BNC2: variants seen among roughly 807,000 people sequenced by gnomAD.
BNC2 encodes zinc finger protein basonuclin-2.
Under a neutral mutation model 76.3 loss-of-function variants are expected in BNC2, and 20 were observed. The observed-to-expected ratio is 0.26, with a 90% CI of 0.18 to 0.38. BNC2 has a LOEUF of 0.38. BNC2 is among the 10% of genes least tolerant of loss of function. The probability of loss-of-function intolerance (pLI) is 1.00; values close to 1 mark genes in which losing one functional copy is unlikely to be tolerated. For missense variants in BNC2, 1,382 were observed against 1,399.8 expected, an observed-to-expected ratio of 0.99 and a Z score of 0.20; for synonymous variants, 582 against 514.8, an observed-to-expected ratio of 1.13 and a Z score of -1.77.
Position 16,639,274 on chromosome 9 carries a change from G to T in BNC2, c.331-56189C>A, listed in dbSNP as rs79548475. Among the ~76,000 whole-genome samples, 19 of 152,080 alleles carry T rather than the reference G, an allele frequency of 1.2e-4. No homozygotes were observed. In the East Asian group the frequency reaches 2.7e-3, roughly 22 times the overall value. On this transcript the variant is annotated intron_variant, in intron 3 of 6. Coordinates refer to ENST00000380672, the MANE Select transcript of BNC2 (RefSeq NM_017637.6). ...TTATATTCATAACAATGTTGTTATT[G>T]GTCTCTGTTAAGCAATGGAAAAAAT...
intron 1 of BNC2, among the ~76,000 whole-genome samples, chr9:16,850,721 C>G (rs564556360): frequency 9.9e-4 from 151 of 152,048 alleles, no homozygotes; most frequent in African/African-American, 3.4e-3. Context: ...TCGCTTAAGT[C>G]CAAGAGTTCA....
chr9:16,762,658 AACAG>A (rs1265224322), intron 1 of BNC2, among the ~76,000 whole-genome samples: 1 of 152,220 alleles, frequency 6.6e-6, no homozygotes, highest in Admixed American at 6.5e-5. Flanking sequence ...TCTCCAAAGT[AACAG>A]ACAGAGACAA....
At chr9:16,486,342 G>A (rs983773346) in intron 5 of BNC2, among the ~76,000 whole-genome samples, 1 of 152,168 alleles carries the variant, frequency 6.6e-6, no homozygotes. Flanking sequence ...CAGAATAGTA[G>A]TATCATTCCT....
At chr9:16,765,246 G>A (rs940430355) in intron 1 of BNC2, among the ~76,000 whole-genome samples, 1 of 152,012 alleles carries the variant, frequency 6.6e-6, no homozygotes, top group African/African-American at 2.4e-5. Context: ...ATGTTTTCTG[G>A]GGTCACAATG....
intron 5 of BNC2, among the ~76,000 whole-genome samples, chr9:16,455,582 G>A (rs1038314008): frequency 2.0e-5 from 3 of 152,194 alleles, no homozygotes; most frequent in Non-Finnish European, 4.4e-5. Flanking sequence ...CCTGAGGTCA[G>A]GAGTTTAAGA....
chr9:16,527,404 C>G (rs564576263), intron 5 of BNC2, among the ~76,000 whole-genome samples: 2 of 152,180 alleles, frequency 1.3e-5, no homozygotes, highest in Non-Finnish European at 2.9e-5. Flanking sequence ...CCCTGTGGCA[C>G]TGTTTTGCGG....
chr9:16,642,064 G>A (rs2133859603), intron 3 of BNC2, among the ~76,000 whole-genome samples: 1 of 152,266 alleles, frequency 6.6e-6, no homozygotes. Context: ...TTACCATCAT[G>A]TTCTATAAGC....
intron 1 of BNC2, among the ~76,000 whole-genome samples, chr9:16,863,040 G>C (rs1398856593): frequency 6.6e-6 from 1 of 151,536 alleles, no homozygotes; most frequent in Non-Finnish European, 1.5e-5. Flanking sequence ...TCAGCCTCCC[G>C]AGTAGCTGGG....
At chr9:16,754,309 A>C (rs1472356047) in intron 1 of BNC2, among the ~76,000 whole-genome samples, 2 of 152,140 alleles carry the variant, frequency 1.3e-5, no homozygotes, top group East Asian at 3.9e-4. Flanking sequence ...AGTTCCCTAA[A>C]GTGTCTCTGG....
rs182350087 is a variant in BNC2 at position 16,511,618 on chromosome 9, G to T, written c.669+40912C>A. Among the ~76,000 whole-genome samples, 1,064 of 150,924 alleles carry T rather than the reference G, an allele frequency of 7.0e-3. 5 individuals carry two copies. Among genetic ancestry groups the T allele is most frequent in the Non-Finnish European group, 0.012 (814 of 67,734 alleles). On this transcript the variant is annotated intron_variant, in intron 5 of 6. Coordinates refer to ENST00000380672, the MANE Select transcript of BNC2 (RefSeq NM_017637.6). ...AATTTTTGTATTTTTTTGTAGAGAC[G>T]GGGTTTCGCTGTGTTGCCCAGGCAG...
chr9:16,580,511 AAAATGACATTCTTCAGAAAGTCCTCG>A (rs1305764201), intron 4 of BNC2, among the ~76,000 whole-genome samples: 2 of 152,246 alleles, frequency 1.3e-5, no homozygotes, highest in Non-Finnish European at 2.9e-5. Flanking sequence ...AGTTGGGTGA[AAAATGACATTCTTCAGAAAGTCCTCG>A]AAACAATCAC....
At chr9:16,478,817 G>C (rs1036484092) in intron 5 of BNC2, among the ~76,000 whole-genome samples, 1 of 152,194 alleles carries the variant, frequency 6.6e-6, no homozygotes, top group Non-Finnish European at 1.5e-5. Context: ...TAACTATTTT[G>C]TGGCTCCCTG....
intron 5 of BNC2, among the ~76,000 whole-genome samples, chr9:16,481,038 T>C (rs1045817437): frequency 6.6e-5 from 10 of 152,108 alleles, no homozygotes; most frequent in East Asian, 1.9e-4. Context: ...CAGTTGGCAC[T>C]CTGTATCTAG....
intron 3 of BNC2, among the ~76,000 whole-genome samples, chr9:16,710,920 T>C (rs1823818414): frequency 6.6e-6 from 1 of 152,208 alleles, no homozygotes; most frequent in African/African-American, 2.4e-5. Flanking sequence ...CACTTGACAT[T>C]CAATATGGTC....
chr9:16,575,762 C>T (rs1306955990), intron 4 of BNC2, among the ~76,000 whole-genome samples: 3 of 152,108 alleles, frequency 2.0e-5, no homozygotes, highest in East Asian at 3.9e-4. Context: ...CTCTCTAAAA[C>T]GAAGAAAAAA....
intron 3 of BNC2, among the ~76,000 whole-genome samples, chr9:16,725,206 GTC>G (rs1250289002): frequency 8.2e-5 from 7 of 85,678 alleles, no homozygotes; most frequent in South Asian, 4.1e-4. Context: ...ATTTCAATAA[GTC>G]TCTCTCTCTC....
rs753655894 is a variant in BNC2 at position 16,435,718 on chromosome 9, G to C, written c.2476C>G (p.Leu826Val). The change falls in exon 6 of 7, where the codon CTA (leucine) becomes GTA (valine). Residue 826 changes from leucine (L) to valine (V), a missense_variant. Coordinates refer to ENST00000380672, the MANE Select transcript of BNC2 (RefSeq NM_017637.6). Reference sequence around the variant, plus strand: ...ATTTTGGGGTCTGGGCTAGAACATAGGTCACCTTCTGGGGAGAACTTTTGA... The same window carrying C: ...ATTTTGGGGTCTGGGCTAGAACATACGTCACCTTCTGGGGAGAACTTTTGA... ...SPQKFSPEGD[L>V]CSSPDPKICY... The C allele has an allele frequency of 1.2e-6, 2 of 1,614,082 alleles. No homozygotes were observed. Among genetic ancestry groups the C allele is most frequent in the South Asian group, 1.1e-5 (1 of 91,066 alleles).
chr9:16,666,684 C>T (rs1416111811), intron 3 of BNC2, among the ~76,000 whole-genome samples: 4 of 152,162 alleles, frequency 2.6e-5, no homozygotes, highest in Non-Finnish European at 5.9e-5. Context: ...GACCTGTTTT[C>T]CTAGTTTAAA....
At chr9:16,765,861 A>G (rs1307134495) in intron 1 of BNC2, among the ~76,000 whole-genome samples, 2 of 148,940 alleles carry the variant, frequency 1.3e-5, no homozygotes, top group East Asian at 4.0e-4. Context: ...ATCTCGGCTC[A>G]CTGCAAGCTC....
Sources: allele counts gnomAD v4.1 joint callset (sites outside exome capture counted in the v4.1 genomes callset), GRCh38; gene constraint gnomAD v4.1.1; transcripts MANE v1.5; gene names NCBI Gene and HGNC (gene_info 2026-07-23, HGNC 2026-07-21).